Variants in OR9Q1 observed in about 807,000 individuals in gnomAD.
The protein encoded by OR9Q1 is olfactory receptor family 9 subfamily Q member 1, also known as olfactory receptor 9Q1.
For synonymous variants in OR9Q1, 153 were observed against 148.6 expected, an observed-to-expected ratio of 1.03 and a Z score of -0.22; for missense variants, 374 against 378.8, an observed-to-expected ratio of 0.99 and a Z score of 0.11.
chr11:58,177,433 T>C (rs555794279), intron 2 of OR9Q1, among the ~76,000 whole-genome samples: 10 of 152,360 alleles, frequency 6.6e-5, no homozygotes, highest in Admixed American at 1.3e-4. Flanking sequence ...AAAATGAGGA[T>C]AAGAAAAGTT....
rs1381352205 is a variant in OR9Q1 at position 58,179,649 on chromosome 11, A to G, written c.205A>G (p.Met69Val). 3.1e-6 allele frequency: 5 copies of G among 1,613,144 alleles called. No individual in the cohort carries two copies. Among genetic ancestry groups the G allele is most frequent in the Non-Finnish European group, 4.2e-6 (5 of 1,179,374 alleles). The stretch of plus-strand genomic sequence containing the variant: ...TTTCCTTCTGAGTCACCTCGCTTTC[A>G]TGGACGTCTGCTACTCATCTATCAC... ...MYFLLSHLAF[M>V]DVCYSSITVP... The change falls in exon 3 of 3, where the codon ATG (methionine) becomes GTG (valine). Residue 69 changes from methionine (M) to valine (V), a missense_variant. Physicochemically the swap from Met to Val is conservative, Grantham distance 21 (BLOSUM62 1). Coordinates refer to ENST00000335397, the MANE Select transcript of OR9Q1 (RefSeq NM_001005212.4).
At chr11:58,057,559 G>C (rs982604112) in intron 2 of OR9Q1, 1 of 152,228 alleles carries the variant, frequency 6.6e-6, no homozygotes, top group Admixed American at 6.5e-5. Context: ...TGAAGAATGG[G>C]TGTCTGTGCT....
intron 2 of OR9Q1, among the ~76,000 whole-genome samples, chr11:58,173,122 T>C (rs1314836436): frequency 1.3e-5 from 2 of 152,106 alleles, no homozygotes; most frequent in African/African-American, 4.8e-5. Flanking sequence ...TCATGGTATT[T>C]TCTTTATTTT....
intron 2 of OR9Q1, among the ~76,000 whole-genome samples, chr11:58,107,120 T>C (rs1165618857): frequency 6.6e-6 from 1 of 151,680 alleles, no homozygotes; most frequent in Admixed American, 6.6e-5. Context: ...CTTTCTTTTT[T>C]TTTAAATTAT....
chr11:58,098,645 T>C lies in OR9Q1; in HGVS notation c.-15+42698T>C, dbSNP rs139990636. Reference sequence around the variant, plus strand: ...CGAGACTCCGTCTAAAATAAACAAATAAATAAATAAATAATCTATTTTTAT... The same window carrying C: ...CGAGACTCCGTCTAAAATAAACAAACAAATAAATAAATAATCTATTTTTAT... On this transcript the variant is annotated intron_variant, in intron 2 of 2. Coordinates refer to ENST00000335397, the MANE Select transcript of OR9Q1 (RefSeq NM_001005212.4). 3.2e-4 allele frequency among the ~76,000 whole-genome samples: 49 copies of C among 152,232 alleles called. No homozygotes were observed. The East Asian group carries it at 3.7e-3, about 11-fold the overall frequency.
intron 2 of OR9Q1, among the ~76,000 whole-genome samples, chr11:58,087,217 T>C (rs539207508): frequency 1.3e-5 from 2 of 151,910 alleles, no homozygotes; most frequent in Admixed American, 1.3e-4. Context: ...AATTCATATC[T>C]ATATGAATTT....
chr11:58,084,364 T>C (rs756706037), intron 2 of OR9Q1, among the ~76,000 whole-genome samples: 15 of 151,840 alleles, frequency 9.9e-5, no homozygotes, highest in Non-Finnish European at 1.8e-4. Flanking sequence ...TCTTTAGATG[T>C]GCAAAGAACT....
chr11:58,156,539 G>A (rs1407818316), intron 2 of OR9Q1, among the ~76,000 whole-genome samples: 1 of 152,122 alleles, frequency 6.6e-6, no homozygotes, highest in Non-Finnish European at 1.5e-5. Flanking sequence ...TGGTTAGTGA[G>A]GTCTTAAAAT....
At chr11:58,106,157 A>G (rs1238600253) in intron 2 of OR9Q1, among the ~76,000 whole-genome samples, 1 of 102,910 alleles carries the variant, frequency 9.7e-6, no homozygotes, top group East Asian at 3.6e-4. Flanking sequence ...AACATTTGCT[A>G]TCTTTTTTTT....
At chr11:58,091,732 C>G (rs1277856575) in intron 2 of OR9Q1, among the ~76,000 whole-genome samples, 1 of 152,020 alleles carries the variant, frequency 6.6e-6, no homozygotes, top group Non-Finnish European at 1.5e-5. Flanking sequence ...CTAATATTGA[C>G]AGTGAGGTGT....
intron 2 of OR9Q1, chr11:58,125,361 C>G (rs142639782): frequency 6.6e-6 from 1 of 151,758 alleles, no homozygotes; most frequent in Non-Finnish European, 1.5e-5. Context: ...AGATTCTCTG[C>G]CCAGTTACAC....
At chr11:58,024,695 T>A (rs1051814065) in intron 1 of OR9Q1, among the ~76,000 whole-genome samples, 1 of 152,186 alleles carries the variant, frequency 6.6e-6, no homozygotes, top group Non-Finnish European at 1.5e-5. Flanking sequence ...GCTGACCTCT[T>A]TTTTCCTGCA....
At chr11:58,107,229 A>G (rs1421962752) in intron 2 of OR9Q1, among the ~76,000 whole-genome samples, 4 of 152,192 alleles carry the variant, frequency 2.6e-5, no homozygotes, top group Non-Finnish European at 5.9e-5. Flanking sequence ...CGTCATTTAC[A>G]TTAGGTATTT....
At chr11:58,168,073 G>A (rs1256303643) in intron 2 of OR9Q1, among the ~76,000 whole-genome samples, 1 of 152,146 alleles carries the variant, frequency 6.6e-6, no homozygotes, top group African/African-American at 2.4e-5. Flanking sequence ...AGTTTTATTG[G>A]ACTTGAATTA....
chr11:58,139,706 C>T (rs1854225507), intron 2 of OR9Q1, among the ~76,000 whole-genome samples: 1 of 152,010 alleles, frequency 6.6e-6, no homozygotes, highest in East Asian at 1.9e-4. Context: ...GGGTTGGTTC[C>T]AAGTCTTTGC....
intron 2 of OR9Q1, among the ~76,000 whole-genome samples, chr11:58,099,624 A>G (rs1853765027): frequency 6.6e-6 from 1 of 152,074 alleles, no homozygotes; most frequent in Non-Finnish European, 1.5e-5. Context: ...TGTCCCTTGC[A>G]AGTAGCATAT....
intron 2 of OR9Q1, among the ~76,000 whole-genome samples, chr11:58,111,639 T>G (rs1373170385): frequency 6.6e-6 from 1 of 152,138 alleles, no homozygotes; most frequent in Non-Finnish European, 1.5e-5. Flanking sequence ...ACATATTAAC[T>G]CTCTACTGTG....
chr11:58,094,097 A>G (rs921713366), intron 2 of OR9Q1, among the ~76,000 whole-genome samples: 2 of 152,190 alleles, frequency 1.3e-5, no homozygotes, highest in Non-Finnish European at 2.9e-5. Context: ...TACACAAAGG[A>G]ATACTACTCA....
At chr11:58,086,713 A>G (rs1853637511) in intron 2 of OR9Q1, among the ~76,000 whole-genome samples, 1 of 151,864 alleles carries the variant, frequency 6.6e-6, no homozygotes, top group African/African-American at 2.4e-5. Flanking sequence ...TGACGACATG[A>G]GTGAAACTTG....
Sources: gnomAD v4.1 joint callset for allele counts (sites outside exome capture counted in the v4.1 genomes callset) on GRCh38, gnomAD v4.1.1 for gene constraint, MANE v1.5 for transcripts, NCBI Gene and HGNC (gene_info 2026-07-23, HGNC 2026-07-21) for gene names.